The following IGSF11 variants were observed in gnomAD, a reference collection of about 807,000 sequenced individuals.
IGSF11 encodes the protein immunoglobulin superfamily member 11.
Under a neutral mutation model 41.0 loss-of-function variants are expected in IGSF11, and 22 were observed. The ratio of observed to expected loss-of-function variants is 0.54; its 90% CI spans 0.38 to 0.77. The LOEUF (loss-of-function observed/expected upper bound fraction) is 0.77, where lower values mean the gene tolerates loss of function less well. IGSF11 is among the 30% of genes least tolerant of loss of function. IGSF11 has a pLI of 0.00. For synonymous variants in IGSF11, 219 were observed against 201.3 expected, an observed-to-expected ratio of 1.09 and a Z score of -0.74; for missense variants, 444 against 530.8, an observed-to-expected ratio of 0.84 and a Z score of 1.61.
chr3:118,915,375 G>A (rs1402706061), intron 4 of IGSF11, among the ~76,000 whole-genome samples: 2 of 49,650 alleles, frequency 4.0e-5, no homozygotes, highest in African/African-American at 2.1e-4. Flanking sequence ...TTAGAAGAAT[G>A]TATAACTAGA....
chr3:118,999,857 A>C (rs1267903810), intron 1 of IGSF11, among the ~76,000 whole-genome samples: 1 of 152,170 alleles, frequency 6.6e-6, no homozygotes, highest in African/African-American at 2.4e-5. Flanking sequence ...GGTCCAAAAA[A>C]GTTGAGAACA....
At position 118,966,135 on chromosome 3, in the gene IGSF11, G is replaced by C. The variant is rs562747372; in HGVS notation, c.53-35860C>G. On this transcript the variant is annotated intron_variant, in intron 1 of 6. Transcript: ENST00000393775. Reference sequence around the variant, plus strand: ...AGTGAATAAAAAAGGCAGGGGCTAGGATTGTCTTCCCCAGCATAACCCTGC... The same window carrying C: ...AGTGAATAAAAAAGGCAGGGGCTAGCATTGTCTTCCCCAGCATAACCCTGC... Among the ~76,000 whole-genome samples the C allele has an allele frequency of 1.2e-3, 187 of 152,226 alleles. 2 individuals carry two copies. Among genetic ancestry groups the C allele is most frequent in the Non-Finnish European group, 2.5e-3 (169 of 68,002 alleles).
intron 1 of IGSF11, among the ~76,000 whole-genome samples, chr3:119,073,038 T>C (rs2076427587): frequency 6.6e-6 from 1 of 152,116 alleles, no homozygotes; most frequent in African/African-American, 2.4e-5. Context: ...TTTACAAACC[T>C]TGAGCTAGAC....
At chr3:119,106,357 C>A (rs1003345083), upstream of IGSF11, among the ~76,000 whole-genome samples, 5 of 152,194 alleles carry the variant, frequency 3.3e-5, no homozygotes, top group Non-Finnish European at 7.4e-5. Flanking sequence ...TCCCCCCGAA[C>A]TTCCCACTAC....
chr3:118,918,815 A>G (rs1465748101), intron 4 of IGSF11, among the ~76,000 whole-genome samples: 1 of 141,554 alleles, frequency 7.1e-6, no homozygotes, highest in Non-Finnish European at 1.5e-5. Context: ...ATCCTAAGCC[A>G]AAAGAACAAA....
In IGSF11 at chr3:119,126,219, A is replaced by G. The variant is rs569313317; in HGVS notation, c.-14+19594T>C. Among the ~76,000 whole-genome samples the G allele has an allele frequency of 1.8e-3, 280 of 152,298 alleles. 2 individuals are homozygous for G. The highest frequency in any genetic ancestry group is 6.1e-3 in the African/African-American group (255 of 41,570). On this transcript the variant is annotated intron_variant, in intron 1 of 7. Transcript: ENST00000425327. Reference sequence around the variant, plus strand: ...GGAGGCTGGACGGCTTGGTCCCAATACTTGTCCCCACAGCCTAACACATTG... The same window carrying G: ...GGAGGCTGGACGGCTTGGTCCCAATGCTTGTCCCCACAGCCTAACACATTG...
At chr3:119,076,880 A>G (rs961160028) in intron 1 of IGSF11, among the ~76,000 whole-genome samples, 8 of 152,286 alleles carry the variant, frequency 5.3e-5, no homozygotes, top group African/African-American at 1.9e-4. Flanking sequence ...AAGGATCTAG[A>G]ACTAGAAATA....
At chr3:118,944,834 T>C (rs1465897965) in intron 1 of IGSF11, 1 of 152,080 alleles carries the variant, frequency 6.6e-6, no homozygotes, top group Non-Finnish European at 1.5e-5. Context: ...GACTTGGAGG[T>C]GATATGATTA....
intron 1 of IGSF11, among the ~76,000 whole-genome samples, chr3:118,939,271 AT>A (rs891529381): frequency 3.3e-4 from 49 of 148,838 alleles, no homozygotes; most frequent in South Asian, 2.6e-3. Context: ...ACCATCATGT[AT>A]TTTTTTTTTT....
At chr3:118,955,401 G>C (rs1413016513) in intron 1 of IGSF11, among the ~76,000 whole-genome samples, 1 of 152,090 alleles carries the variant, frequency 6.6e-6, no homozygotes, top group Non-Finnish European at 1.5e-5. Flanking sequence ...CTTACTCACA[G>C]GTGGGAGCTA....
At chr3:119,104,839 C>T (rs933711805) in intron 1 of IGSF11, among the ~76,000 whole-genome samples, 2 of 152,138 alleles carry the variant, frequency 1.3e-5, no homozygotes, top group African/African-American at 2.4e-5. Flanking sequence ...GCTCTTAACA[C>T]AGTGTGTTAT....
chr3:119,105,120 CT>C (rs772379704), intron 1 of IGSF11: 6 of 1,545,772 alleles, frequency 3.9e-6, no homozygotes, highest in Non-Finnish European at 5.4e-6. Context: ...AGTAATAAAA[CT>C]TTTCCAATGT....
chr3:119,032,413 T>C (rs1022032682), intron 1 of IGSF11, among the ~76,000 whole-genome samples: 26 of 152,332 alleles, frequency 1.7e-4, no homozygotes, highest in Middle Eastern at 3.4e-3. Context: ...GCGTGCTAAC[T>C]GTTCATCCTC....
intron 5 of IGSF11, among the ~76,000 whole-genome samples, chr3:118,905,304 A>C (rs1016323797): frequency 2.0e-5 from 3 of 152,244 alleles, no homozygotes; most frequent in African/African-American, 4.8e-5. Flanking sequence ...TACTATACTC[A>C]TAAGATTATT....
upstream of IGSF11, among the ~76,000 whole-genome samples, chr3:119,107,045 C>T (rs1022424801): frequency 2.1e-4 from 32 of 152,304 alleles, no homozygotes; most frequent in African/African-American, 7.2e-4. Context: ...CCACAATCAA[C>T]ATACGTGTGC....
intron 1 of IGSF11, among the ~76,000 whole-genome samples, chr3:119,064,858 T>C (rs1205288401): frequency 6.6e-6 from 1 of 152,192 alleles, no homozygotes; most frequent in Non-Finnish European, 1.5e-5. Flanking sequence ...CTCTTATACA[T>C]CTAACTTATT....
chr3:119,134,594 G>A (rs562388622), intron 1 of IGSF11, among the ~76,000 whole-genome samples: 16 of 152,140 alleles, frequency 1.1e-4, no homozygotes, highest in Non-Finnish European at 1.9e-4. Flanking sequence ...AACATTCCAT[G>A]CTCACAGATA....
chr3:118,948,206 A>T (rs1486417270), intron 1 of IGSF11: 1 of 152,226 alleles, frequency 6.6e-6, no homozygotes, highest in Non-Finnish European at 1.5e-5. Flanking sequence ...ATTCTTGGAC[A>T]TATCAGATAA....
chr3:118,948,785 G>A (rs764296017), intron 1 of IGSF11, among the ~76,000 whole-genome samples: 25 of 151,892 alleles, frequency 1.6e-4, no homozygotes, highest in Non-Finnish European at 3.5e-4. Flanking sequence ...CTAAAACGGT[G>A]AGACCCCGTT....
Sources: allele counts gnomAD v4.1 joint callset (sites outside exome capture counted in the v4.1 genomes callset), GRCh38; gene constraint gnomAD v4.1.1; transcripts MANE v1.5; gene names NCBI Gene and HGNC (gene_info 2026-07-23, HGNC 2026-07-21).